The following CPNE5 variants were observed in gnomAD, a reference collection of about 807,000 sequenced individuals.
The protein encoded by CPNE5 is copine 5, also known as copine-5.
In CPNE5, 42 loss-of-function variants were observed where a neutral mutation model predicts 81.1. The ratio of observed to expected loss-of-function variants is 0.52; its 90% confidence interval spans 0.40 to 0.67. The LOEUF (loss-of-function observed/expected upper bound fraction) is 0.67, where lower values mean the gene tolerates loss of function less well. Among genes scored for constraint, CPNE5 ranks in the 30% least tolerant of loss-of-function variants. The pLI is 0.00. For missense variants in CPNE5, 612 were observed against 815.5 expected (o/e 0.75, Z 3.04); for synonymous variants, 313 against 321.5 (o/e 0.97, Z 0.28).
chr6:36,753,122 G>A, intron 13 of CPNE5, 27 bp from the exon 14 acceptor site: 1 of 1,605,408 alleles, frequency 6.2e-7, no homozygotes, highest in Non-Finnish European at 8.5e-7. Context: ...AGCTTGGTCA[G>A]TGGGGAGCCT....
At position 36,823,738 on chromosome 6, in the gene CPNE5, C is replaced by T. The variant is rs1319130451; in HGVS notation, c.96-640G>A. Among the ~76,000 whole-genome samples the T allele has an allele frequency of 3.3e-5, 5 of 152,252 alleles. No homozygotes were observed. In the South Asian group the frequency reaches 1.0e-3, roughly 32 times the overall value. ...CGGTCTTTCAACAGGTGCTAAGCTC[C>T]CCTTGTCCTGCCTCCATGCAATAAA... On this transcript the variant is annotated intron_variant, in intron 1 of 20. Coordinates refer to ENST00000244751, the MANE Select transcript of CPNE5 (RefSeq NM_020939.2).
At position 36,742,437 on chromosome 6, in the gene CPNE5, C is replaced by T; in HGVS notation, c.1613G>A (p.Ser538Asn). 6.2e-7 allele frequency: 1 copy of T among 1,613,576 alleles called. No individual in the cohort carries two copies. The highest frequency in any genetic ancestry group is 8.5e-7 in the Non-Finnish European group (1 of 1,180,002). The change falls in exon 21 of 21, where the codon AGC (serine) becomes AAC (asparagine). Residue 538 changes from serine (S) to asparagine (N), a missense_variant. By Grantham distance (46) the Ser-to-Asn change is conservative. Transcript: ENST00000244751. ...CACGTCTCGGGCCAGGCGGGCCATG[C>T]TCAGCACGTGGTTGCCTGTGCGGTC... ...YVDRTGNHVL[S>N]MARLARDVLA...
intron 6 of CPNE5, among the ~76,000 whole-genome samples, chr6:36,796,001 T>G (rs909709079): frequency 2.4e-4 from 36 of 152,192 alleles, no homozygotes; most frequent in Non-Finnish European, 5.0e-4. Flanking sequence ...CAGGCTAGAG[T>G]GCAGTGGTGT....
intron 3 of CPNE5, among the ~76,000 whole-genome samples, chr6:36,811,960 TG>T (rs35637080): frequency 4.6e-5 from 7 of 151,136 alleles, no homozygotes; most frequent in African/African-American, 1.7e-4. Context: ...AAAAATTAGC[TG>T]GGGGTGGTGG....
chr6:36,812,450 C>T (rs1234354837), intron 3 of CPNE5, among the ~76,000 whole-genome samples: 1 of 152,180 alleles, frequency 6.6e-6, no homozygotes, highest in Non-Finnish European at 1.5e-5. Context: ...TGAGCACAGG[C>T]AGGCACTGCT....
intron 6 of CPNE5, among the ~76,000 whole-genome samples, chr6:36,796,027 C>A (rs546779520): frequency 6.6e-6 from 1 of 152,312 alleles, no homozygotes; most frequent in Non-Finnish European, 1.5e-5. Flanking sequence ...CAGCTCACTG[C>A]AACCTCCGCC....
intron 7 of CPNE5, 104 bp downstream of exon 7, chr6:36,794,486 T>A: frequency 9.0e-7 from 1 of 1,106,050 alleles, no homozygotes. Flanking sequence ...CAGGGCCAAA[T>A]TCGCAGTGAT....
intron 13 of CPNE5, among the ~76,000 whole-genome samples, chr6:36,753,964 G>A (rs1432690113): frequency 6.6e-6 from 1 of 152,184 alleles, no homozygotes; most frequent in Non-Finnish European, 1.5e-5. Context: ...CAGGCTCATT[G>A]GGAGGGCCAG....
chr6:36,750,799 G>A (rs529796573), intron 14 of CPNE5, among the ~76,000 whole-genome samples: 1 of 152,348 alleles, frequency 6.6e-6, no homozygotes, highest in Admixed American at 6.5e-5. Context: ...GAGGGACACT[G>A]TTGGACTGGC....
In CPNE5 at chr6:36,748,211, C is replaced by T; in HGVS notation, c.1018+10G>A. 6.2e-7 allele frequency: 1 copy of T among 1,613,812 alleles called. No homozygotes were observed. The highest frequency in any genetic ancestry group is 8.5e-7 in the Non-Finnish European group (1 of 1,179,676). On this transcript the variant is annotated intron_variant, in intron 15 of 20. Coordinates refer to ENST00000244751, the MANE Select transcript of CPNE5 (RefSeq NM_020939.2). ...TCCCACCCTGCTCCTCTACCCATCCCCCAACTCACCATTGGAGGCAGTGAA... is the reference window on the plus strand; with the variant it reads ...TCCCACCCTGCTCCTCTACCCATCCTCCAACTCACCATTGGAGGCAGTGAA...
intron 9 of CPNE5, among the ~76,000 whole-genome samples, chr6:36,776,371 C>T (rs1329598381): frequency 6.6e-6 from 1 of 152,246 alleles, no homozygotes; most frequent in Non-Finnish European, 1.5e-5. Flanking sequence ...TGCTCCTTCT[C>T]GCCCACCCAC....
At chr6:36,773,974 G>A (rs1476382176) in intron 10 of CPNE5, among the ~76,000 whole-genome samples, 2 of 152,096 alleles carry the variant, frequency 1.3e-5, no homozygotes, top group African/African-American at 4.8e-5. Flanking sequence ...GCTGAGGTGG[G>A]AGGATTGCTT....
chr6:36,782,856 C>G (rs1438328724), intron 8 of CPNE5, among the ~76,000 whole-genome samples: 1 of 150,994 alleles, frequency 6.6e-6, no homozygotes, highest in African/African-American at 2.5e-5. Flanking sequence ...CACACACACA[C>G]ACACACACAC....
At chr6:36,775,405 C>T (rs1767414930) in intron 9 of CPNE5, among the ~76,000 whole-genome samples, 1 of 152,214 alleles carries the variant, frequency 6.6e-6, no homozygotes, top group Non-Finnish European at 1.5e-5. Context: ...CAGCTCCCCA[C>T]CTGTAAACGC....
chr6:36,780,721 C>A (rs913195164), intron 8 of CPNE5, among the ~76,000 whole-genome samples: 9 of 152,226 alleles, frequency 5.9e-5, no homozygotes, highest in Non-Finnish European at 8.8e-5. Flanking sequence ...CTGATGACAA[C>A]AAACACAGCC....
chr6:36,834,604 C>T (rs980638239), intron 1 of CPNE5, among the ~76,000 whole-genome samples: 2 of 150,688 alleles, frequency 1.3e-5, no homozygotes, highest in South Asian at 2.1e-4. Context: ...TGCAGTGAGC[C>T]GAGATTGGGC....
intron 10 of CPNE5, among the ~76,000 whole-genome samples, chr6:36,773,320 G>T (rs531350919): frequency 6.6e-6 from 1 of 152,302 alleles, no homozygotes; most frequent in African/African-American, 2.4e-5. Context: ...ACAGGGATGG[G>T]TTCTCCTGAC....
chr6:36,747,554 A>G (rs970088811), intron 15 of CPNE5, among the ~76,000 whole-genome samples: 4 of 152,190 alleles, frequency 2.6e-5, no homozygotes, highest in African/African-American at 9.7e-5. Context: ...CCAGTGCTCT[A>G]TGATGCTAGG....
intron 8 of CPNE5, among the ~76,000 whole-genome samples, chr6:36,787,558 C>T (rs961858265): frequency 3.9e-5 from 6 of 152,138 alleles, no homozygotes; most frequent in Non-Finnish European, 7.3e-5. Context: ...TAAGAAGAGG[C>T]GCTGGATCTG....
Sources: gnomAD v4.1 joint callset for allele counts (sites outside exome capture counted in the v4.1 genomes callset) on GRCh38, gnomAD v4.1.1 for gene constraint, MANE v1.5 for transcripts, NCBI Gene and HGNC (gene_info 2026-07-23, HGNC 2026-07-21) for gene names.